Variants in CCSER1 observed in about 807,000 individuals in gnomAD.
CCSER1 encodes the protein coiled-coil serine rich protein 1.
CCSER1 carries 41 observed loss-of-function variants against 82.0 expected under a neutral mutation model. The ratio of observed to expected loss-of-function variants is 0.50; its 90% CI spans 0.39 to 0.65. CCSER1 has a LOEUF of 0.65. Ranked by LOEUF, CCSER1 falls within the 30% of genes least tolerant of loss-of-function variation. CCSER1 has a pLI of 0.00. For missense variants in CCSER1, 1,119 were observed against 1,064.2 expected, an observed-to-expected ratio of 1.05 and a Z score of -0.72; for synonymous variants, 414 against 383.9, an observed-to-expected ratio of 1.08 and a Z score of -0.92.
intron 5 of CCSER1, among the ~76,000 whole-genome samples, chr4:90,588,324 T>C (rs1782268516): frequency 6.6e-6 from 1 of 152,228 alleles, no homozygotes; most frequent in African/African-American, 2.4e-5. Flanking sequence ...TTATCAATTG[T>C]TTAGGTAATA....
In CCSER1 at chr4:90,481,918, A is replaced by G. The variant is rs570688715; in HGVS notation, c.1724+13564A>G. Among the ~76,000 whole-genome samples the G allele has an allele frequency of 4.6e-5, 7 of 152,086 alleles. No individual in the cohort carries two copies. In the South Asian group the frequency reaches 1.2e-3, roughly 27 times the overall value. ...GTTAGGGAGGATTCCCTCTTTTTCTATTGATTGGAATAGTTTCAGAAGGAA... is the reference window on the plus strand; with the variant it reads ...GTTAGGGAGGATTCCCTCTTTTTCTGTTGATTGGAATAGTTTCAGAAGGAA... On this transcript the variant is annotated intron_variant, in intron 5 of 10. Transcript: ENST00000509176.
intron 1 of CCSER1, among the ~76,000 whole-genome samples, chr4:90,163,995 C>T (rs147216204): frequency 2.0e-5 from 3 of 152,254 alleles, no homozygotes; most frequent in Non-Finnish European, 4.4e-5. Flanking sequence ...TTTGGATGCA[C>T]TCTGTTTCAG....
chr4:90,562,899 A>T (rs1485148381), intron 5 of CCSER1, among the ~76,000 whole-genome samples: 1 of 149,630 alleles, frequency 6.7e-6, no homozygotes, highest in Non-Finnish European at 1.5e-5. Flanking sequence ...GTTTGAATGG[A>T]TATTGATAAA....
chr4:91,207,789 C>T (rs540666715), intron 10 of CCSER1, among the ~76,000 whole-genome samples: 2 of 151,820 alleles, frequency 1.3e-5, no homozygotes, highest in African/African-American at 2.4e-5. Context: ...GCTTTTAATT[C>T]TTTGAAGAAT....
intron 5 of CCSER1, among the ~76,000 whole-genome samples, chr4:90,621,665 A>T (rs1327822755): frequency 6.6e-6 from 1 of 152,120 alleles, no homozygotes; most frequent in African/African-American, 2.4e-5. Context: ...ATGCCTACTT[A>T]TTGGAATATT....
At chr4:90,619,470 T>C (rs559006712) in intron 5 of CCSER1, among the ~76,000 whole-genome samples, 5 of 152,156 alleles carry the variant, frequency 3.3e-5, no homozygotes, top group African/African-American at 1.2e-4. Flanking sequence ...GTTTGATACC[T>C]CTTAGACATA....
At chr4:91,494,775 T>C (rs896270600) in intron 10 of CCSER1, among the ~76,000 whole-genome samples, 1 of 151,856 alleles carries the variant, frequency 6.6e-6, no homozygotes, top group African/African-American at 2.4e-5. Flanking sequence ...CATCTCTCAA[T>C]CTAATCTTTA....
At chr4:91,380,784 T>C (rs1331849531) in intron 10 of CCSER1, among the ~76,000 whole-genome samples, 1 of 152,212 alleles carries the variant, frequency 6.6e-6, no homozygotes, top group African/African-American at 2.4e-5. Context: ...TTTGATCCTG[T>C]CATTATGATA....
chr4:90,872,129 A>G (rs1189759511), intron 8 of CCSER1, among the ~76,000 whole-genome samples: 1 of 151,616 alleles, frequency 6.6e-6, no homozygotes, highest in Non-Finnish European at 1.5e-5. Context: ...CAGCTACTTT[A>G]TGTCTTTTGA....
chr4:91,073,391 G>T (rs568836345), intron 9 of CCSER1, among the ~76,000 whole-genome samples: 12 of 152,172 alleles, frequency 7.9e-5, no homozygotes, highest in Admixed American at 7.2e-4. Context: ...AGGAAGACTG[G>T]ATTTATGTGT....
intron 1 of CCSER1, among the ~76,000 whole-genome samples, chr4:90,171,688 G>A (rs1346931778): frequency 6.6e-6 from 1 of 151,836 alleles, no homozygotes. Context: ...TTACTTAGCA[G>A]CACAATGAGC....
intron 3 of CCSER1, among the ~76,000 whole-genome samples, chr4:90,329,314 G>A (rs941283662): frequency 1.3e-5 from 2 of 152,084 alleles, no homozygotes; most frequent in Non-Finnish European, 2.9e-5. Context: ...TCATACAGTT[G>A]TCATAGAATC....
chr4:91,326,633 C>T (rs886154380), intron 10 of CCSER1, among the ~76,000 whole-genome samples: 4 of 152,224 alleles, frequency 2.6e-5, no homozygotes, highest in Admixed American at 2.6e-4. Flanking sequence ...TCCAGCAGTT[C>T]CCCAGAGTCC....
Position 90,158,773 on chromosome 4 carries a change from T to C in CCSER1, c.-42+30942T>C, listed in dbSNP as rs562275594. Among the ~76,000 whole-genome samples the C allele has an allele frequency of 3.3e-5, 5 of 152,296 alleles. No individual in the cohort carries two copies. The South Asian group carries it at 6.2e-4, about 19-fold the overall frequency. ...GGGACTGACCCGATTTTCCAGGTGCTGTCTGTCACCCCTTTCTTTGACTAG... is the reference window on the plus strand; with the variant it reads ...GGGACTGACCCGATTTTCCAGGTGCCGTCTGTCACCCCTTTCTTTGACTAG... On this transcript the variant is annotated intron_variant, in intron 1 of 10. Coordinates refer to ENST00000509176, the MANE Select transcript of CCSER1 (RefSeq NM_001145065.2).
At chr4:91,051,883 T>G in intron 9 of CCSER1, among the ~76,000 whole-genome samples, 1 of 151,798 alleles carries the variant, frequency 6.6e-6, no homozygotes, top group South Asian at 2.1e-4. Context: ...GCAAAACAAC[T>G]TACTAGCAGT....
intron 7 of CCSER1, among the ~76,000 whole-genome samples, chr4:90,785,309 A>G (rs765114929): frequency 6.6e-6 from 1 of 152,180 alleles, no homozygotes; most frequent in Non-Finnish European, 1.5e-5. Flanking sequence ...AATTACAGGC[A>G]TGAGCCACCA....
rs191318982 is a variant in CCSER1, at chr4:90,909,814, A to G, written c.2095-13556A>G. On this transcript the variant is annotated intron_variant, in intron 8 of 10. Coordinates refer to ENST00000509176, the MANE Select transcript of CCSER1 (RefSeq NM_001145065.2). ...ATTTGTATAATCCATTATTAGTGAA[A>G]CTTTGCCAGTGTTTAAATATACTGC... 7.3e-3 allele frequency among the ~76,000 whole-genome samples: 1,105 copies of G among 152,310 alleles called. 6 individuals are homozygous for G. Among genetic ancestry groups the G allele is most frequent in the Middle Eastern group, 0.014 (4 of 294 alleles).
chr4:90,544,392 A>G (rs368437212), intron 5 of CCSER1, among the ~76,000 whole-genome samples: 1 of 152,178 alleles, frequency 6.6e-6, no homozygotes, highest in Non-Finnish European at 1.5e-5. Context: ...GATTAAAATC[A>G]GCCAAAGGAA....
chr4:90,880,334 G>A (rs965061450), intron 8 of CCSER1, among the ~76,000 whole-genome samples: 20 of 152,050 alleles, frequency 1.3e-4, no homozygotes, highest in Admixed American at 6.6e-4. Context: ...CCAGAGATAC[G>A]GGTCAGTAAT....
Sources: gnomAD v4.1 joint callset for allele counts (sites outside exome capture counted in the v4.1 genomes callset) on GRCh38, gnomAD v4.1.1 for gene constraint, MANE v1.5 for transcripts, NCBI Gene and HGNC (gene_info 2026-07-23, HGNC 2026-07-21) for gene names.